Variants in NOS1AP observed in about 807,000 individuals in gnomAD.
NOS1AP encodes the protein carboxyl-terminal PDZ ligand of neuronal nitric oxide synthase protein.
Under a neutral mutation model 56.2 loss-of-function variants are expected in NOS1AP, and 21 were observed. The observed-to-expected ratio is 0.37, with a 90% confidence interval of 0.26 to 0.54. The LOEUF (loss-of-function observed/expected upper bound fraction) is 0.54, where lower values mean the gene tolerates loss of function less well. NOS1AP is among the 20% of genes least tolerant of loss of function. NOS1AP has a pLI of 0.84. For missense variants in NOS1AP, 522 were observed against 657.8 expected (o/e 0.79, Z 2.26); for synonymous variants, 270 against 274.6 (o/e 0.98, Z 0.17).
chr1:162,270,573 A>C (rs1426269331), intron 2 of NOS1AP, among the ~76,000 whole-genome samples: 1 of 152,186 alleles, frequency 6.6e-6, no homozygotes, highest in African/African-American at 2.4e-5. Flanking sequence ...TTGAAGTAAA[A>C]CTTATGGGGA....
chr1:162,308,053 A>C (rs1655896712), intron 4 of NOS1AP, among the ~76,000 whole-genome samples: 1 of 152,188 alleles, frequency 6.6e-6, no homozygotes. Flanking sequence ...AAACAGAAGA[A>C]ATTTATTATA....
chr1:162,361,507 C>T (rs968149601), intron 8 of NOS1AP, among the ~76,000 whole-genome samples: 1 of 152,320 alleles, frequency 6.6e-6, no homozygotes, highest in South Asian at 2.1e-4. Context: ...TTGGGTTCTC[C>T]TGCAGCACAG....
chr1:162,306,319 C>A (rs1436445078), intron 4 of NOS1AP, among the ~76,000 whole-genome samples: 1 of 152,114 alleles, frequency 6.6e-6, no homozygotes, highest in Non-Finnish European at 1.5e-5. Context: ...GGCTAATAGT[C>A]ATGAAGGAGA....
At chr1:162,125,894 C>T (rs1183506278) in intron 1 of NOS1AP, among the ~76,000 whole-genome samples, 1 of 151,998 alleles carries the variant, frequency 6.6e-6, no homozygotes, top group African/African-American at 2.4e-5. Flanking sequence ...TTGATTTTTT[C>T]CAATCCATGA....
rs1181984381 is a variant in NOS1AP, at chr1:162,369,490, G to A, written c.*2023G>A. 2 of 152,374 alleles carry A rather than the reference G, an allele frequency of 1.3e-5. No individual in the cohort carries two copies. Among genetic ancestry groups the A allele is most frequent in the African/African-American group, 4.8e-5 (2 of 41,436 alleles). 9.4% of individuals were successfully genotyped at this position (152,374 alleles called of 1,614,324 possible). ...TTTTCTGACGTAAGCCGGAGCTGAG[G>A]ATAAAGCCAGAGGCCAGTGGATTAG... is the stretch of plus-strand genomic sequence containing the variant. On this transcript the variant is annotated 3_prime_UTR_variant, in exon 10 of 10. Transcript: ENST00000361897.
chr1:162,356,431 G>T (rs2101820809), intron 7 of NOS1AP, among the ~76,000 whole-genome samples: 1 of 152,288 alleles, frequency 6.6e-6, no homozygotes, highest in South Asian at 2.1e-4. Context: ...GCAGTGGAGG[G>T]CAGGAGGTAG....
At chr1:162,364,086 A>G (rs1006784257) in intron 8 of NOS1AP, 13 of 985,304 alleles carry the variant, frequency 1.3e-5, no homozygotes, top group Non-Finnish European at 1.6e-5. Flanking sequence ...ACTGTGAGGT[A>G]GCACTGCCCT....
chr1:162,337,968 A>T (rs1038774540), intron 5 of NOS1AP, among the ~76,000 whole-genome samples: 7 of 152,218 alleles, frequency 4.6e-5, no homozygotes, highest in African/African-American at 1.4e-4. Flanking sequence ...TTGGCATTGT[A>T]AATTCCATAG....
At chr1:162,183,647 C>G (rs2102147827) in intron 2 of NOS1AP, among the ~76,000 whole-genome samples, 1 of 152,386 alleles carries the variant, frequency 6.6e-6, no homozygotes, top group South Asian at 2.1e-4. Flanking sequence ...CTTCACCTTC[C>G]ATTTTTATGT....
At chr1:162,250,966 A>C (rs1261450427) in intron 2 of NOS1AP, among the ~76,000 whole-genome samples, 1 of 152,096 alleles carries the variant, frequency 6.6e-6, no homozygotes, top group African/African-American at 2.4e-5. Context: ...CTTGCTGTAA[A>C]GGCACACCTT....
intron 1 of NOS1AP, among the ~76,000 whole-genome samples, chr1:162,133,115 G>A (rs1033665287): frequency 6.6e-6 from 1 of 152,160 alleles, no homozygotes; most frequent in Non-Finnish European, 1.5e-5. Context: ...TCATTCTGTA[G>A]CAGCCATTTA....
chr1:162,072,074 A>G (rs991325348), intron 1 of NOS1AP, among the ~76,000 whole-genome samples: 71 of 151,190 alleles, frequency 4.7e-4, no homozygotes, highest in African/African-American at 1.7e-3. Context: ...AGATAGATAG[A>G]TAGATAGATA....
chr1:162,109,086 A>G (rs1647618411), intron 1 of NOS1AP, among the ~76,000 whole-genome samples: 1 of 152,206 alleles, frequency 6.6e-6, no homozygotes, highest in South Asian at 2.1e-4. Context: ...AAACCATCAG[A>G]TGTTGTGAAA....
chr1:162,277,373 A>G (rs1654776325), intron 2 of NOS1AP, among the ~76,000 whole-genome samples: 1 of 152,166 alleles, frequency 6.6e-6, no homozygotes, highest in Non-Finnish European at 1.5e-5. Flanking sequence ...CTTCTCAAAT[A>G]GTTTCTTCAG....
At chr1:162,149,697 G>C (rs1390359147) in intron 1 of NOS1AP, among the ~76,000 whole-genome samples, 4 of 152,200 alleles carry the variant, frequency 2.6e-5, no homozygotes, top group Non-Finnish European at 5.9e-5. Context: ...CCTGAATCCT[G>C]CTTTGTGTAT....
At chr1:162,170,300 A>G (rs1472363180) in intron 2 of NOS1AP, among the ~76,000 whole-genome samples, 5 of 152,160 alleles carry the variant, frequency 3.3e-5, no homozygotes, top group Admixed American at 2.6e-4. Context: ...GTTGATCCTC[A>G]CAAAAGCCCT....
At chr1:162,318,019 G>T (rs1656287563) in intron 4 of NOS1AP, among the ~76,000 whole-genome samples, 1 of 152,184 alleles carries the variant, frequency 6.6e-6, no homozygotes, top group Non-Finnish European at 1.5e-5. Flanking sequence ...CAAGCCAGGG[G>T]TAGGACTGGC....
chr1:162,073,603 G>T (rs113453263), intron 1 of NOS1AP, among the ~76,000 whole-genome samples: 1 of 152,178 alleles, frequency 6.6e-6, no homozygotes, highest in Non-Finnish European at 1.5e-5. Context: ...TGGGATAACA[G>T]GCATGCGCCA....
intron 2 of NOS1AP, among the ~76,000 whole-genome samples, chr1:162,202,013 G>A (rs975440560): frequency 2.0e-5 from 3 of 152,150 alleles, no homozygotes; most frequent in Non-Finnish European, 2.9e-5. Flanking sequence ...TGGGGGTGGT[G>A]GAGAAACGGA....
Sources: allele counts gnomAD v4.1 joint callset (sites outside exome capture counted in the v4.1 genomes callset), GRCh38; gene constraint gnomAD v4.1.1; transcripts MANE v1.5; gene names NCBI Gene and HGNC (gene_info 2026-07-23, HGNC 2026-07-21).